The following ETHE1 variants were observed in gnomAD, a reference collection of about 807,000 sequenced individuals.
ETHE1 encodes ETHE1 persulfide dioxygenase.
ETHE1 carries 16 observed loss-of-function variants against 25.7 expected under a neutral mutation model. The observed-to-expected ratio is 0.62, with a 90% CI of 0.42 to 0.95. The LOEUF is 0.95. Ranked by LOEUF, ETHE1 falls within the 40% of genes least tolerant of loss-of-function variation. ETHE1 has a pLI of 0.00. For synonymous variants in ETHE1, 139 were observed against 135.9 expected, an observed-to-expected ratio of 1.02 and a Z score of -0.16; for missense variants, 300 against 333.6, an observed-to-expected ratio of 0.90 and a Z score of 0.79.
intron 3 of ETHE1, among the ~76,000 whole-genome samples, chr19:43,520,630 G>A (rs564847729): frequency 3.9e-5 from 6 of 151,930 alleles, no homozygotes; most frequent in East Asian, 1.9e-4. Context: ...GAGCCAGGAG[G>A]TTGAGGCTGC....
intron 3 of ETHE1, among the ~76,000 whole-genome samples, chr19:43,522,938 T>A (rs962916195): frequency 6.6e-6 from 1 of 152,160 alleles, no homozygotes; most frequent in Non-Finnish European, 1.5e-5. Context: ...TATCTGGTCC[T>A]TCACAGAAAA....
At chr19:43,508,971 C>A (rs1313971360) in intron 4 of ETHE1, 107 bp from the exon 5 acceptor site, 1 of 838,730 alleles carries the variant, frequency 1.2e-6, no homozygotes, top group Non-Finnish European at 2.0e-6. Context: ...TAAACCCTCT[C>A]CTTCGTGTCC....
intron 3 of ETHE1, among the ~76,000 whole-genome samples, chr19:43,520,499 G>A (rs922602026): frequency 5.9e-5 from 9 of 152,040 alleles, no homozygotes; most frequent in Middle Eastern, 3.4e-3. Flanking sequence ...CCAGGAGGTC[G>A]AGGCCAGCCT....
chr19:43,517,733 G>A (rs377214913), intron 3 of ETHE1, among the ~76,000 whole-genome samples: 20 of 150,742 alleles, frequency 1.3e-4, no homozygotes, highest in Admixed American at 9.9e-4. Flanking sequence ...CTGAGATCAC[G>A]CCACTGCACT....
intron 3 of ETHE1, 103 bp from the exon 4 acceptor site, chr19:43,511,669 T>C (rs1353556139): frequency 7.5e-7 from 1 of 1,338,244 alleles, no homozygotes; most frequent in Non-Finnish European, 1.0e-6. Flanking sequence ...TAGATAAACA[T>C]TTTGGTAAAA....
chr19:43,515,449 G>C (rs1568495452), intron 3 of ETHE1, among the ~76,000 whole-genome samples: 3 of 151,094 alleles, frequency 2.0e-5, no homozygotes, highest in South Asian at 4.2e-4. Flanking sequence ...CAGTGAAAAG[G>C]TAGCCCTCAG....
chr19:43,508,818 T>C lies in ETHE1; in HGVS notation c.552A>G (p.Thr184=). 7 of 1,608,760 alleles carry C rather than the reference T, an allele frequency of 4.4e-6. No individual in the cohort carries two copies. In the South Asian group the frequency reaches 4.5e-5, roughly 10 times the overall value. ...LYHSVHEKIF[T]LPGDCLIYPA... ...GGTAGATCAGACAGTCTCCTGGAAG[T>C]GTGAAGATCTTTTCATGGACCGAGT... Residue 184 remains threonine, a synonymous_variant, in exon 5 of 7, where the codon ACA becomes ACG. Coordinates refer to ENST00000292147, the MANE Select transcript of ETHE1 (RefSeq NM_014297.5).
chr19:43,510,335 C>CTT (rs11330382), intron 4 of ETHE1, among the ~76,000 whole-genome samples: 2,161 of 133,260 alleles, frequency 0.016, 67 homozygotes, highest in African/African-American at 0.055. Context: ...CTTTTTTTAT[C>CTT]TTTTTTTTTT....
intron 5 of ETHE1, 132 bp from the exon 6 acceptor site, chr19:43,508,192 C>T (rs961830312): frequency 7.0e-7 from 1 of 1,421,578 alleles, no homozygotes; most frequent in Admixed American, 2.0e-5. Context: ...AATTGCTTTC[C>T]CTCCTCCATG....
In ETHE1 at chr19:43,526,604, C is replaced by A. The variant is rs1473509927; in HGVS notation, c.137G>T (p.Arg46Leu). 1 of 1,613,956 alleles carries A rather than the reference C, an allele frequency of 6.2e-7. No individual in the cohort carries two copies. Among genetic ancestry groups the A allele is most frequent in the Admixed American group, 1.7e-5 (1 of 60,000 alleles). ...FTYLLGDRES[R>L]EAVLIDPVLE... ...GACTGGGTCGATCAGAACGGCCTCC[C>A]GGGACTCTCTGTCACCCAGCAGGTA... The change falls in exon 2 of 7, where the codon CGG becomes CTG. Residue 46 changes from arginine (R) to leucine (L), a missense_variant. Coordinates refer to ENST00000292147, the MANE Select transcript of ETHE1 (RefSeq NM_014297.5).
At chr19:43,515,282 T>C (rs1480502495) in intron 3 of ETHE1, among the ~76,000 whole-genome samples, 1 of 151,844 alleles carries the variant, frequency 6.6e-6, no homozygotes, top group Non-Finnish European at 1.5e-5. Context: ...CCAGGCATGG[T>C]GGCACATGCT....
At chr19:43,508,689 G>A (rs897984660) in intron 5 of ETHE1, 86 bp downstream of exon 5, 17 of 1,133,144 alleles carry the variant, frequency 1.5e-5, no homozygotes, top group African/African-American at 1.1e-4. Context: ...GAGACTGGTC[G>A]TCTTCATGCC....
At position 43,527,129 on chromosome 19, in the gene ETHE1, C is replaced by T. The variant is rs1468127110; in HGVS notation, c.49G>A (p.Gly17Ser). 10 of 1,554,984 alleles carry T rather than the reference C, an allele frequency of 6.4e-6. No homozygotes were observed. Among genetic ancestry groups the T allele is most frequent in the Non-Finnish European group, 8.7e-6 (10 of 1,153,608 alleles). ...RVARRQLSQR[G>S]GSGAPILLRQ... ...AGGAGGATGGGGGCTCCAGACCCGC[C>T]GCGCTGGCTCAGCTGCCGCCGGGCG... The change falls in exon 1 of 7, where the codon GGC becomes AGC. Residue 17 changes from glycine (G) to serine (S), a missense_variant. Coordinates refer to ENST00000292147, the MANE Select transcript of ETHE1 (RefSeq NM_014297.5).
chr19:43,518,522 G>C (rs1024239122), intron 3 of ETHE1, among the ~76,000 whole-genome samples: 1 of 151,810 alleles, frequency 6.6e-6, no homozygotes, highest in Non-Finnish European at 1.5e-5. Context: ...CGAGACGGGC[G>C]GATCACGAGG....
intron 3 of ETHE1, among the ~76,000 whole-genome samples, chr19:43,515,429 A>AG (rs1160756623): frequency 6.6e-6 from 1 of 152,006 alleles, no homozygotes; most frequent in Admixed American, 6.6e-5. Flanking sequence ...AAAAAAAAAA[A>AG]AAAAAAAGAC....
intron 3 of ETHE1, among the ~76,000 whole-genome samples, chr19:43,518,866 A>G (rs1972078421): frequency 6.6e-6 from 1 of 151,942 alleles, no homozygotes; most frequent in East Asian, 1.9e-4. Context: ...CTGCAAAATC[A>G]AAACGATTTT....
At chr19:43,512,757 A>AT (rs1599993023) in intron 3 of ETHE1, among the ~76,000 whole-genome samples, 1 of 145,940 alleles carries the variant, frequency 6.9e-6, no homozygotes, top group African/African-American at 2.5e-5. Context: ...AAAAAAACCC[A>AT]TTTTCTGAGG....
chr19:43,526,671 G>A lies in ETHE1; in HGVS notation c.82-12C>T, dbSNP rs781651899. ...ACAGGCTCGAACATCTGGGAACGGGGGACCCAGGTGAGGGCGCAGAACCGG... is the reference window on the plus strand; with the variant it reads ...ACAGGCTCGAACATCTGGGAACGGGAGACCCAGGTGAGGGCGCAGAACCGG... On this transcript the variant is annotated splice_polypyrimidine_tract_variant and intron_variant, in intron 1 of 6. Coordinates refer to ENST00000292147, the MANE Select transcript of ETHE1 (RefSeq NM_014297.5). 6 of 1,612,898 alleles carry A rather than the reference G, an allele frequency of 3.7e-6. No homozygotes were observed. Among genetic ancestry groups the A allele is most frequent in the East Asian group, 2.2e-5 (1 of 44,896 alleles).
At chr19:43,511,689 T>A in intron 3 of ETHE1, 123 bp from the exon 4 acceptor site, 2 of 1,086,070 alleles carry the variant, frequency 1.8e-6, no homozygotes, top group Non-Finnish European at 2.6e-6. Context: ...AAATGTAGAT[T>A]CCCAGGCTGT....
Sources: allele counts gnomAD v4.1 joint callset (sites outside exome capture counted in the v4.1 genomes callset), GRCh38; gene constraint gnomAD v4.1.1; transcripts MANE v1.5; gene names NCBI Gene and HGNC (gene_info 2026-07-23, HGNC 2026-07-21).